CLVS1: variants seen among roughly 807,000 people sequenced by gnomAD.
CLVS1 encodes clavesin-1.
Under a neutral mutation model 33.1 loss-of-function variants are expected in CLVS1, and 10 were observed. The ratio of observed to expected loss-of-function variants is 0.30; its 90% CI spans 0.19 to 0.51. The LOEUF (loss-of-function observed/expected upper bound fraction) is 0.51, where lower values mean the gene tolerates loss of function less well. Ranked by LOEUF, CLVS1 falls within the 20% of genes least tolerant of loss-of-function variation. CLVS1 has a pLI of 0.97. For missense variants in CLVS1, 343 were observed against 433.4 expected (o/e 0.79, Z 1.85); for synonymous variants, 163 against 166.1 (o/e 0.98, Z 0.14).
rs55718731 is a variant in CLVS1 at position 61,226,980 on chromosome 8, G to GTTTTT, written c.-151-72684_-151-72680dup. 3.6e-3 allele frequency among the ~76,000 whole-genome samples: 478 copies of GTTTTT among 132,296 alleles called. 3 individuals are homozygous for GTTTTT. The highest frequency in any genetic ancestry group is 0.013 in the African/African-American group (445 of 33,968). The allele number at this position is 132,296 out of a possible 152,430, so 86.8% of individuals were successfully genotyped here. On this transcript the variant is annotated intron_variant, in intron 2 of 2. Coordinates refer to the CLVS1 transcript ENST00000522621. Reference sequence around the variant, plus strand: ...AACACCTGCTATATTACGAAAACATGTTTTTTTTTTTTTTTTTGTTCAGCT... The same window carrying GTTTTT: ...AACACCTGCTATATTACGAAAACATGTTTTTTTTTTTTTTTTTTTTTTGTTCAGCT...
the CLVS1 span, among the ~76,000 whole-genome samples, chr8:61,049,056 G>T: frequency 1.3e-5 from 2 of 152,180 alleles, no homozygotes; most frequent in African/African-American, 4.8e-5. Context: ...TTTATTCAGG[G>T]ACACCTCTTA....
chr8:61,048,640 T>C, the CLVS1 span, among the ~76,000 whole-genome samples: 1 of 152,110 alleles, frequency 6.6e-6, no homozygotes, highest in South Asian at 2.1e-4. Flanking sequence ...GACCAACTGA[T>C]ATAGAGGTAT....
the CLVS1 span, among the ~76,000 whole-genome samples, chr8:61,032,434 G>T: frequency 6.6e-6 from 1 of 152,206 alleles, no homozygotes; most frequent in Non-Finnish European, 1.5e-5. Context: ...ATCTCTGTGT[G>T]TCAGAGTCCT....
chr8:61,451,506 G>A (rs1264034362), intron 3 of CLVS1, among the ~76,000 whole-genome samples: 1 of 152,112 alleles, frequency 6.6e-6, no homozygotes, highest in African/African-American at 2.4e-5. Context: ...CTTAGAGTAT[G>A]TTGGTGCATG....
chr8:61,459,826 A>C (rs1419713170), intron 5 of CLVS1, among the ~76,000 whole-genome samples: 1 of 152,122 alleles, frequency 6.6e-6, no homozygotes, highest in Admixed American at 6.6e-5. Context: ...ACAGAAATTT[A>C]TTTTCTTACA....
intron 5 of CLVS1, among the ~76,000 whole-genome samples, chr8:61,481,196 C>T (rs1421145928): frequency 1.3e-5 from 2 of 152,154 alleles, no homozygotes; most frequent in African/African-American, 4.8e-5. Context: ...GTCCATCTCC[C>T]TGAGCCCTAG....
At chr8:61,111,276 G>A (rs11996308) in intron 1 of CLVS1, among the ~76,000 whole-genome samples, 3,142 of 152,194 alleles carry the variant, frequency 0.021, 99 homozygotes, top group African/African-American at 0.067. Flanking sequence ...TATTTTATCA[G>A]ATTATGAGTC....
intron 2 of CLVS1, among the ~76,000 whole-genome samples, chr8:61,363,832 G>C (rs1813082618): frequency 6.6e-6 from 1 of 152,204 alleles, no homozygotes; most frequent in Non-Finnish European, 1.5e-5. Flanking sequence ...TTTATGAAGA[G>C]AGTCAGGGAG....
chr8:61,118,576 T>C (rs1353382023), intron 1 of CLVS1, among the ~76,000 whole-genome samples: 1 of 151,706 alleles, frequency 6.6e-6, no homozygotes, highest in Non-Finnish European at 1.5e-5. Flanking sequence ...GTTGTGTCTT[T>C]GTTCTCATTG....
chr8:61,465,761 A>C (rs1031120406), intron 5 of CLVS1: 1 of 152,234 alleles, frequency 6.6e-6, no homozygotes, highest in African/African-American at 2.4e-5. Flanking sequence ...TCCCGGGTTC[A>C]ACTGACCCTC....
At chr8:61,120,884 T>G (rs4541912) in intron 1 of CLVS1, among the ~76,000 whole-genome samples, 74,380 of 135,552 alleles carry the variant, frequency 0.55, 22,935 homozygotes, top group East Asian at 0.97. Context: ...GCCTCCTTGA[T>G]CTGTGGTAGG....
At chr8:60,975,721 A>C in the CLVS1 span, among the ~76,000 whole-genome samples, 1 of 152,214 alleles carries the variant, frequency 6.6e-6, no homozygotes, top group East Asian at 1.9e-4. Flanking sequence ...AGCTCTAGAA[A>C]ACTAAGACAT....
chr8:61,010,494 G>A, the CLVS1 span, among the ~76,000 whole-genome samples: 2 of 152,242 alleles, frequency 1.3e-5, no homozygotes, highest in African/African-American at 4.8e-5. Context: ...TGGATGGCCT[G>A]TATTTTTATT....
chr8:61,491,222 G>T (rs1214698385), intron 5 of CLVS1, among the ~76,000 whole-genome samples: 3 of 152,184 alleles, frequency 2.0e-5, no homozygotes, highest in Non-Finnish European at 4.4e-5. Context: ...TTGTAGTCCA[G>T]TCTAGTAGTA....
At chr8:61,025,747 C>T in the CLVS1 span, among the ~76,000 whole-genome samples, 1 of 152,178 alleles carries the variant, frequency 6.6e-6, no homozygotes, top group Non-Finnish European at 1.5e-5. Context: ...TCCCTGCCAA[C>T]GTGCTGATCC....
chr8:61,046,899 T>A, the CLVS1 span, among the ~76,000 whole-genome samples: 1 of 152,150 alleles, frequency 6.6e-6, no homozygotes, highest in Non-Finnish European at 1.5e-5. Context: ...GCTGAGACAA[T>A]GGGGTTTTCT....
chr8:61,167,074 A>G (rs1369050808), intron 2 of CLVS1, among the ~76,000 whole-genome samples: 1 of 151,694 alleles, frequency 6.6e-6, no homozygotes, highest in Non-Finnish European at 1.5e-5. Flanking sequence ...GTAAAATTTT[A>G]TTAGACTTTT....
intron 2 of CLVS1, chr8:61,274,184 C>G (rs1809520604): frequency 6.6e-6 from 1 of 152,230 alleles, no homozygotes; most frequent in African/African-American, 2.4e-5. Flanking sequence ...TGAACACCTT[C>G]ACTGTGCCCA....
chr8:61,109,927 C>G (rs1805596952), intron 1 of CLVS1, among the ~76,000 whole-genome samples: 1 of 152,216 alleles, frequency 6.6e-6, no homozygotes, highest in Non-Finnish European at 1.5e-5. Flanking sequence ...CAACCTTGGA[C>G]TTCCTAGGCT....
Sources: gnomAD v4.1 joint callset for allele counts (sites outside exome capture counted in the v4.1 genomes callset) on GRCh38, gnomAD v4.1.1 for gene constraint, MANE v1.5 for transcripts, NCBI Gene and HGNC (gene_info 2026-07-23, HGNC 2026-07-21) for gene names.